AGAP1: variants seen among roughly 807,000 people sequenced by gnomAD.
The protein encoded by AGAP1 is ArfGAP with GTPase domain, ankyrin repeat and PH domain 1, also known as arf-GAP with GTPase, ANK repeat and PH domain-containing protein 1.
In AGAP1, 29 loss-of-function variants were observed where a neutral mutation model predicts 105.3. The ratio of observed to expected loss-of-function variants is 0.28; its 90% confidence interval spans 0.21 to 0.38. AGAP1 has a LOEUF of 0.38. AGAP1 is among the 10% of genes least tolerant of loss of function. The probability of loss-of-function intolerance (pLI) is 1.00; values close to 1 mark genes in which losing one functional copy is unlikely to be tolerated. For synonymous variants in AGAP1, 509 were observed against 485.9 expected (o/e 1.05, Z -0.63); for missense variants, 998 against 1,165.1 (o/e 0.86, Z 2.09).
rs1410261041 is a variant in AGAP1 at position 235,631,012 on chromosome 2, A to G, written c.164-78167A>G. On this transcript the variant is annotated intron_variant, in intron 1 of 17. Coordinates refer to ENST00000304032, the MANE Select transcript of AGAP1 (RefSeq NM_001037131.3). The surrounding 1 kb of genome is among the most constrained non-coding windows in gnomAD (Gnocchi z 5.4). ...TGAACACATTCTCTGGTAACTGTGAATCGTGTCGTAAAACGCGTCTTTGGC... is the reference window on the plus strand; with the variant it reads ...TGAACACATTCTCTGGTAACTGTGAGTCGTGTCGTAAAACGCGTCTTTGGC... Among the ~76,000 whole-genome samples the G allele has an allele frequency of 6.6e-6, 1 of 152,190 alleles. No individual in the cohort carries two copies. The highest frequency in any genetic ancestry group is 1.5e-5 in the Non-Finnish European group (1 of 68,028).
intron 13 of AGAP1, among the ~76,000 whole-genome samples, chr2:236,021,183 A>C (rs1266356419): frequency 6.6e-6 from 1 of 151,910 alleles, no homozygotes; most frequent in African/African-American, 2.4e-5. Context: ...AAAAAAAAAA[A>C]ACTAATACAG....
In AGAP1 at chr2:235,608,164, A is replaced by G. The variant is rs1180446462; in HGVS notation, c.164-101015A>G. On this transcript the variant is annotated intron_variant, in intron 1 of 17. Coordinates refer to ENST00000304032, the MANE Select transcript of AGAP1 (RefSeq NM_001037131.3). This position sits in a 1 kb window ranked among gnomAD's most constrained non-coding sequence, Gnocchi z 5.4. ...CTTCACAGAGTGATGCCTCTGGAGC[A>G]TCCCCTTGCGGAGCCTCAGCATCTC... Among the ~76,000 whole-genome samples, 1 of 152,222 alleles carries G rather than the reference A, an allele frequency of 6.6e-6. No homozygotes were observed. The highest frequency in any genetic ancestry group is 2.1e-4 in the South Asian group (1 of 4,810).
At chr2:235,514,528 C>T (rs1457855967) in intron 1 of AGAP1, among the ~76,000 whole-genome samples, 1 of 152,262 alleles carries the variant, frequency 6.6e-6, no homozygotes, top group South Asian at 2.1e-4. Flanking sequence ...CAGGCCACTT[C>T]CTCTGTCTGG....
At chr2:235,853,351 T>C in intron 9 of AGAP1, 1 of 489,468 alleles carries the variant, frequency 2.0e-6, no homozygotes, top group South Asian at 8.8e-5. Context: ...TGTGACTTTC[T>C]TAGTACTGAG....
At position 235,741,761 on chromosome 2, in the gene AGAP1, AT is replaced by A. The variant is rs373237927; in HGVS notation, c.396+725del. Reference sequence around the variant, plus strand: ...TATTGTTATTTTTTATTATTTATTTATTTTTTTTTTTTGAGACAGTCTCGCT... The same window carrying A: ...TATTGTTATTTTTTATTATTTATTTATTTTTTTTTTTGAGACAGTCTCGCT... On this transcript the variant is annotated intron_variant, in intron 4 of 17. Transcript: ENST00000304032. This position sits in a 1 kb window ranked among gnomAD's most constrained non-coding sequence, Gnocchi z 4.9. 0.036 allele frequency among the ~76,000 whole-genome samples: 5,099 copies of A among 141,698 alleles called. 286 individuals are homozygous for A. The highest frequency in any genetic ancestry group is 0.12 in the African/African-American group (4,656 of 39,008). 93.0% of individuals were successfully genotyped at this position (141,698 alleles called of 152,430 possible).
intron 1 of AGAP1, among the ~76,000 whole-genome samples, chr2:235,587,678 A>G (rs1396316243): frequency 6.6e-6 from 1 of 151,556 alleles, no homozygotes; most frequent in African/African-American, 2.4e-5. Context: ...TTGCTTGAAC[A>G]CTGGAGGTGG....
At position 236,101,968 on chromosome 2, in the gene AGAP1, G is replaced by T. The variant is rs4663638; in HGVS notation, c.2115-18224G>T. Among the ~76,000 whole-genome samples, 82,095 of 152,096 alleles carry T rather than the reference G, an allele frequency of 0.54. 23,758 individuals are homozygous for T. Among genetic ancestry groups the T allele is most frequent in the African/African-American group, 0.75 (31,340 of 41,528 alleles). On this transcript the variant is annotated intron_variant, in intron 16 of 17. Coordinates refer to ENST00000304032, the MANE Select transcript of AGAP1 (RefSeq NM_001037131.3). The surrounding 1 kb of genome is among the most constrained non-coding windows in gnomAD (Gnocchi z 4.9). Reference sequence around the variant, plus strand: ...TACTCACACACAGTTTCCAAATGAAGTCACAAACTTCCCTTATAAAACTTC... The same window carrying T: ...TACTCACACACAGTTTCCAAATGAATTCACAAACTTCCCTTATAAAACTTC...
rs1416480005 is a variant in AGAP1, at chr2:235,872,148, A to G, written c.1051-11197A>G. ...TGTCATATCAATTCCTGTCCATGAA[A>G]TGAGGATAATCAATGACCATCTGGT... is the stretch of plus-strand genomic sequence containing the variant. On this transcript the variant is annotated intron_variant, in intron 9 of 17. Transcript: ENST00000304032. The surrounding 1 kb of genome is among the most constrained non-coding windows in gnomAD (Gnocchi z 4.5). Among the ~76,000 whole-genome samples, 4 of 152,206 alleles carry G rather than the reference A, an allele frequency of 2.6e-5. No individual in the cohort carries two copies. The highest frequency in any genetic ancestry group is 2.1e-4 in the South Asian group (1 of 4,836).
rs1422745512 is a variant in AGAP1, at chr2:235,556,256, G to A, written c.163+61407G>A. 6.6e-6 allele frequency among the ~76,000 whole-genome samples: 1 copy of A among 152,242 alleles called. No homozygotes were observed. Among genetic ancestry groups the A allele is most frequent in the Non-Finnish European group, 1.5e-5 (1 of 68,042 alleles). The stretch of plus-strand genomic sequence containing the variant: ...CCCTTTCTGTCCAGGCCACTGATCA[G>A]CCCCCAGGTCCAGGTCCAAGAACAA... On this transcript the variant is annotated intron_variant, in intron 1 of 17. Transcript: ENST00000304032. This position sits in a 1 kb window ranked among gnomAD's most constrained non-coding sequence, Gnocchi z 5.3.
intron 6 of AGAP1, among the ~76,000 whole-genome samples, chr2:235,791,262 A>G (rs72983030): frequency 0.24 from 36,086 of 151,974 alleles, 4,855 homozygotes; most frequent in Admixed American, 0.39. Context: ...AGATAGTTTA[A>G]TGATCACTTT....
intron 1 of AGAP1, among the ~76,000 whole-genome samples, chr2:235,644,021 C>G (rs1379254370): frequency 1.3e-5 from 2 of 152,078 alleles, no homozygotes; most frequent in Non-Finnish European, 2.9e-5. Flanking sequence ...CTGGAATGAG[C>G]AGAAAGATGG....
chr2:236,062,063 G>A lies in AGAP1; in HGVS notation c.2114+12782G>A, dbSNP rs911995857. 2.0e-5 allele frequency among the ~76,000 whole-genome samples: 3 copies of A among 152,084 alleles called. No homozygotes were observed. The highest frequency in any genetic ancestry group is 3.2e-3 in the Middle Eastern group (1 of 316). On this transcript the variant is annotated intron_variant, in intron 16 of 17. Transcript: ENST00000304032. This position sits in a 1 kb window ranked among gnomAD's most constrained non-coding sequence, Gnocchi z 4.2. Reference sequence around the variant, plus strand: ...TGGGGAGTAGAGCTCTGAGCAGGATGTGCACTGCAGCCAAATTCCTGCCCT... The same window carrying A: ...TGGGGAGTAGAGCTCTGAGCAGGATATGCACTGCAGCCAAATTCCTGCCCT...
intron 1 of AGAP1, chr2:235,670,793 A>C: frequency 7.6e-7 from 1 of 1,307,392 alleles, no homozygotes; most frequent in Non-Finnish European, 1.0e-6. Context: ...TTGGGAACGC[A>C]GTAAGAGCAA....
chr2:236,008,133 G>C (rs566101453), intron 13 of AGAP1, among the ~76,000 whole-genome samples: 2 of 152,158 alleles, frequency 1.3e-5, no homozygotes, highest in Non-Finnish European at 2.9e-5. Flanking sequence ...CTGTGCAGCC[G>C]AATAACTAGA....
rs1053165720 is a variant in AGAP1 at position 236,114,763 on chromosome 2, C to T, written c.2115-5429C>T. On this transcript the variant is annotated intron_variant, in intron 16 of 17. Transcript: ENST00000304032. This position sits in a 1 kb window ranked among gnomAD's most constrained non-coding sequence, Gnocchi z 5.0. ...ATTCTCTTCCTGAAGACCCCATCTCCACATACAGCAACATTGAGGGTTAAA... is the reference window on the plus strand; with the variant it reads ...ATTCTCTTCCTGAAGACCCCATCTCTACATACAGCAACATTGAGGGTTAAA... 2.6e-5 allele frequency among the ~76,000 whole-genome samples: 4 copies of T among 152,172 alleles called. No homozygotes were observed. The highest frequency in any genetic ancestry group is 9.7e-5 in the African/African-American group (4 of 41,418).
At position 235,641,326 on chromosome 2, in the gene AGAP1, C is replaced by CTTTCT. The variant is rs1490256782; in HGVS notation, c.164-67853_164-67852insTTTCT. ...TTCTCTCTCTCTTTCTCTTTCTCCT[C>CTTTCT]CCTCCCTCCCTCTCTTCCTTCCTTC... is the stretch of plus-strand genomic sequence containing the variant. On this transcript the variant is annotated intron_variant, in intron 1 of 17. Coordinates refer to ENST00000304032, the MANE Select transcript of AGAP1 (RefSeq NM_001037131.3). Among the ~76,000 whole-genome samples the CTTTCT allele has an allele frequency of 2.3e-4, 16 of 69,666 alleles. No individual in the cohort carries two copies. In the South Asian group the frequency reaches 3.4e-3, roughly 15 times the overall value. 45.7% of individuals were successfully genotyped at this position (69,666 alleles called of 152,430 possible).
rs1953023966 is a variant in AGAP1, at chr2:235,747,168, C to T, written c.538+2329C>T. On this transcript the variant is annotated intron_variant, in intron 5 of 17. Coordinates refer to ENST00000304032, the MANE Select transcript of AGAP1 (RefSeq NM_001037131.3). This position sits in a 1 kb window ranked among gnomAD's most constrained non-coding sequence, Gnocchi z 5.0. ...CTGGAATCCTGAACCCCACCCCCCA[C>T]TGTCCCTGCCCCTGGAGGCAGCGTA... Among the ~76,000 whole-genome samples, 1 of 152,144 alleles carries T rather than the reference C, an allele frequency of 6.6e-6. No homozygotes were observed. Among genetic ancestry groups the T allele is most frequent in the Non-Finnish European group, 1.5e-5 (1 of 68,028 alleles).
At chr2:236,031,395 G>T (rs1445923510) in intron 13 of AGAP1, among the ~76,000 whole-genome samples, 1 of 152,164 alleles carries the variant, frequency 6.6e-6, no homozygotes, top group African/African-American at 2.4e-5. Context: ...CTTGCCCTGG[G>T]GTAGACATTG....
At position 235,993,871 on chromosome 2, in the gene AGAP1, C is replaced by T. The variant is rs1404931234; in HGVS notation, c.1645+25248C>T. The stretch of plus-strand genomic sequence containing the variant: ...ATTACTTACCCAGCAACATTCAGGA[C>T]GTCCTGAGACCTCGTCACTTCTGAT... On this transcript the variant is annotated intron_variant, in intron 13 of 17. Coordinates refer to ENST00000304032, the MANE Select transcript of AGAP1 (RefSeq NM_001037131.3). This position sits in a 1 kb window ranked among gnomAD's most constrained non-coding sequence, Gnocchi z 5.0. Among the ~76,000 whole-genome samples the T allele has an allele frequency of 5.3e-5, 8 of 152,138 alleles. No individual in the cohort carries two copies. The highest frequency in any genetic ancestry group is 1.7e-4 in the African/African-American group (7 of 41,428).
Sources: allele counts gnomAD v4.1 joint callset (sites outside exome capture counted in the v4.1 genomes callset), GRCh38; gene constraint gnomAD v4.1.1; non-coding constraint Gnocchi (gnomAD v3.1); transcripts MANE v1.5; gene names NCBI Gene and HGNC (gene_info 2026-07-23, HGNC 2026-07-21).